Variants in CCDC88A observed in about 807,000 individuals in gnomAD.
The protein encoded by CCDC88A is girdin.
CCDC88A carries 54 observed loss-of-function variants against 234.3 expected under a neutral mutation model. That is an observed-to-expected ratio of 0.23 (90% CI 0.19 to 0.29). The LOEUF is 0.29. Among genes scored for constraint, CCDC88A ranks in the 10% least tolerant of loss-of-function variants. The pLI, the probability that CCDC88A is intolerant of heterozygous loss-of-function variation, is 1.00. For missense variants in CCDC88A, 1,832 were observed against 2,123.4 expected (o/e 0.86, Z 2.70); for synonymous variants, 753 against 737.8 (o/e 1.02, Z -0.33).
intron 6 of CCDC88A, 102 bp from the exon 7 acceptor site, chr2:55,362,550 T>C (rs1671456297): frequency 2.2e-6 from 2 of 909,730 alleles, no homozygotes; most frequent in East Asian, 6.4e-5. Flanking sequence ...ATAACCCATA[T>C]AAAATATGAA....
intron 30 of CCDC88A, 52 bp downstream of exon 30, chr2:55,296,206 A>C (rs1474856911): frequency 4.5e-6 from 7 of 1,541,284 alleles, no homozygotes; most frequent in Non-Finnish European, 6.1e-6. Flanking sequence ...CAATTACAGA[A>C]ATTTAACTTG....
At position 55,328,162 on chromosome 2, in the gene CCDC88A, G is replaced by C; in HGVS notation, c.2997+132C>G. ...GAGATCTGTTTAAGAATATTCTCAA[G>C]TTTATGAAAAAGGAAGAAATAGACT... On this transcript the variant is annotated intron_variant, in intron 17 of 32. Transcript: ENST00000436346. The surrounding 1 kb of genome is among the most constrained non-coding windows in gnomAD (Gnocchi z 4.3). 1 of 728,980 alleles carries C rather than the reference G, an allele frequency of 1.4e-6. No homozygotes were observed. The highest frequency in any genetic ancestry group is 2.1e-5 in the South Asian group (1 of 48,674). The allele number at this position is 728,980 out of a possible 1,614,324, so 45.2% of individuals were successfully genotyped here.
At chr2:55,304,481 C>T (rs1681290032) in intron 25 of CCDC88A, among the ~76,000 whole-genome samples, 1 of 151,890 alleles carries the variant, frequency 6.6e-6, no homozygotes, top group Non-Finnish European at 1.5e-5. Flanking sequence ...ACATTAAGTT[C>T]ATTTTACAAA....
chr2:55,379,287 G>C lies in CCDC88A; in HGVS notation c.274-4404C>G, dbSNP rs535690441. ...AATGAGCCCAAGATGAGTTTACTAAGACGAGGAACAAATTAACAAACAGGT... is the reference window on the plus strand; with the variant it reads ...AATGAGCCCAAGATGAGTTTACTAACACGAGGAACAAATTAACAAACAGGT... On this transcript the variant is annotated intron_variant, in intron 3 of 32. Coordinates refer to ENST00000436346, the MANE Select transcript of CCDC88A (RefSeq NM_001365480.1). Among the ~76,000 whole-genome samples, 6 of 152,184 alleles carry C rather than the reference G, an allele frequency of 3.9e-5. No individual in the cohort carries two copies. In the South Asian group the frequency reaches 8.3e-4, roughly 21 times the overall value.
intron 2 of CCDC88A, among the ~76,000 whole-genome samples, chr2:55,414,454 T>C (rs1386935442): frequency 6.6e-6 from 1 of 152,254 alleles, no homozygotes; most frequent in Non-Finnish European, 1.5e-5. Context: ...ACAGAAGAGC[T>C]GGCCCATCAT....
At chr2:55,401,728 C>G (rs565272807) in intron 2 of CCDC88A, among the ~76,000 whole-genome samples, 92 of 151,608 alleles carry the variant, frequency 6.1e-4, no homozygotes, top group Non-Finnish European at 1.2e-3. Context: ...AATTACCATA[C>G]AGAGATTACA....
rs535616124 is a variant in CCDC88A, at chr2:55,332,871, CT to C, written c.2728-179del. 1.8e-3 allele frequency among the ~76,000 whole-genome samples: 277 copies of C among 152,254 alleles called. 2 individuals are homozygous for C. Among genetic ancestry groups the C allele is most frequent in the African/African-American group, 6.3e-3 (262 of 41,562 alleles). ...TAAAGTTATAACCTAGTTGAAATAACTTTTTTCCTTTTTTTTGCTAATACTT... is the reference window on the plus strand; with the variant it reads ...TAAAGTTATAACCTAGTTGAAATAACTTTTTCCTTTTTTTTGCTAATACTT... On this transcript the variant is annotated intron_variant, in intron 15 of 32. Transcript: ENST00000436346. The surrounding 1 kb of genome is among the most constrained non-coding windows in gnomAD (Gnocchi z 4.5).
chr2:55,362,556 A>G (rs1433846773), intron 6 of CCDC88A, 108 bp from the exon 7 acceptor site: 1 of 817,570 alleles, frequency 1.2e-6, no homozygotes, highest in African/African-American at 1.8e-5. Context: ...CATATAAAAT[A>G]TGAAAAGCCA....
Position 55,339,526 on chromosome 2 carries a change from C to T in CCDC88A, c.1456G>A (p.Val486Ile), listed in dbSNP as rs952204531. 1.2e-6 allele frequency: 2 copies of T among 1,611,632 alleles called. No individual in the cohort carries two copies. Among genetic ancestry groups the T allele is most frequent in the African/African-American group, 2.7e-5 (2 of 74,896 alleles). Residue 486 changes from valine to isoleucine, a missense_variant, in exon 13 of 33, where the codon GTA (valine) becomes ATA (isoleucine). Physicochemically the swap from Val to Ile is conservative, Grantham distance 29. Around this residue, in one of 6 missense-constraint regions of CCDC88A, gnomAD observed 1,282 missense variants for 1,543.6 expected, o/e 0.83. Transcript: ENST00000436346. The part of the protein sequence containing the change: ...VEELRTTVDS[V>I]EGNASKILKM... ...AGGATTTTGGAAGCATTGCCTTCTA[C>T]AGAATCCACAGTAGTCCGAAGCTCT...
intron 16 of CCDC88A, chr2:55,329,780 G>C (rs1684699919): frequency 6.6e-6 from 1 of 152,228 alleles, no homozygotes; most frequent in Admixed American, 6.5e-5. Context: ...TTTATTTAGA[G>C]ACAGAGTCTC....
At chr2:55,417,172 T>C (rs1296652739) in intron 2 of CCDC88A, 1 of 151,990 alleles carries the variant, frequency 6.6e-6, no homozygotes, top group African/African-American at 2.4e-5. Flanking sequence ...GCACCTCAGC[T>C]AAGTATTTAG....
intron 2 of CCDC88A, among the ~76,000 whole-genome samples, chr2:55,390,053 A>AAAAAAAGAAAAAAAAAAAAAAG (rs377022377): frequency 1.3e-5 from 1 of 79,770 alleles, no homozygotes; most frequent in Non-Finnish European, 2.3e-5. Flanking sequence ...AAAAAAATAA[A>AAAAAAAGAAAAAAAAAAAAAAG]AAATAAAGAT....
chr2:55,414,222 T>G (rs1391699308), intron 2 of CCDC88A, among the ~76,000 whole-genome samples: 1 of 152,208 alleles, frequency 6.6e-6, no homozygotes, highest in Non-Finnish European at 1.5e-5. Flanking sequence ...TTGGGTAATA[T>G]GAATTGGACG....
intron 12 of CCDC88A, 72 bp downstream of exon 12, chr2:55,343,576 A>T: frequency 8.4e-7 from 1 of 1,196,296 alleles, no homozygotes; most frequent in Non-Finnish European, 1.2e-6. Context: ...GCGGAAAATA[A>T]AGAACTGCAA....
chr2:55,377,592 AT>A (rs1673884055), intron 3 of CCDC88A, among the ~76,000 whole-genome samples: 2 of 151,840 alleles, frequency 1.3e-5, no homozygotes, highest in Admixed American at 6.6e-5. Context: ...AGAAGTTTTA[AT>A]TTTTTATTTA....
At chr2:55,344,630 CCTA>C in intron 10 of CCDC88A, 116 bp from the exon 11 acceptor site, 1 of 502,070 alleles carries the variant, frequency 2.0e-6, no homozygotes, top group Non-Finnish European at 3.3e-6. Context: ...CATGAGGAAA[CCTA>C]CTGAGTAATA....
intron 12 of CCDC88A, among the ~76,000 whole-genome samples, chr2:55,341,551 T>C (rs570753487): frequency 1.3e-5 from 2 of 151,046 alleles, no homozygotes; most frequent in African/African-American, 4.9e-5. Context: ...TTCAAGAGGT[T>C]CTCCTGCCTC....
chr2:55,382,489 T>C (rs942900929), intron 3 of CCDC88A, among the ~76,000 whole-genome samples: 1 of 152,204 alleles, frequency 6.6e-6, no homozygotes, highest in African/African-American at 2.4e-5. Flanking sequence ...CACCAAACAC[T>C]GGCTATGACA....
intron 21 of CCDC88A, 109 bp from the exon 22 acceptor site, chr2:55,316,223 G>C (rs1682963529): frequency 2.2e-6 from 1 of 448,898 alleles, no homozygotes; most frequent in Admixed American, 4.3e-5. Context: ...TAGAATAAAA[G>C]ACTGTTTTAC....
Sources: allele counts gnomAD v4.1 joint callset (sites outside exome capture counted in the v4.1 genomes callset), GRCh38; gene constraint gnomAD v4.1.1; regional missense constraint gnomAD v4.1.1; non-coding constraint Gnocchi (gnomAD v3.1); transcripts MANE v1.5; gene names NCBI Gene and HGNC (gene_info 2026-07-23, HGNC 2026-07-21).